Variants in RUNX3 observed in about 807,000 individuals in gnomAD.
RUNX3 encodes RUNX family transcription factor 3, also known as runt-related transcription factor 3.
Under a neutral mutation model 27.7 loss-of-function variants are expected in RUNX3, and 10 were observed. The observed-to-expected ratio is 0.36, with a 90% confidence interval of 0.22 to 0.61. The LOEUF is 0.61. Among genes scored for constraint, RUNX3 ranks in the 20% least tolerant of loss-of-function variants. The pLI, the probability that RUNX3 is intolerant of heterozygous loss-of-function variation, is 0.72. For missense variants in RUNX3, 469 were observed against 629.5 expected, an observed-to-expected ratio of 0.75 and a Z score of 2.73; for synonymous variants, 270 against 269.2, an observed-to-expected ratio of 1.00 and a Z score of -0.03.
upstream of RUNX3, among the ~76,000 whole-genome samples, chr1:24,932,794 T>C (rs887839650): frequency 6.6e-6 from 1 of 152,154 alleles, no homozygotes; most frequent in Admixed American, 6.5e-5. Context: ...CCTTCCCCAG[T>C]TGGCATGGAC....
chr1:24,952,230 C>A (rs1488534891), intron 2 of RUNX3, among the ~76,000 whole-genome samples: 1 of 152,180 alleles, frequency 6.6e-6, no homozygotes, highest in African/African-American at 2.4e-5. Flanking sequence ...TCCCCGCCCC[C>A]ACAGTGCTTA....
At chr1:24,910,996 G>A (rs185927000) in intron 3 of RUNX3, among the ~76,000 whole-genome samples, 2 of 152,352 alleles carry the variant, frequency 1.3e-5, no homozygotes, top group Admixed American at 6.5e-5. Context: ...CTGCTACCCT[G>A]AGGAGGGCAG....
At chr1:24,930,430 A>C (rs1233445081), upstream of RUNX3, among the ~76,000 whole-genome samples, 1 of 151,752 alleles carries the variant, frequency 6.6e-6, no homozygotes, top group Non-Finnish European at 1.5e-5. This position sits in a 1 kb window ranked among gnomAD's most constrained non-coding sequence, Gnocchi z 4.1. Context: ...AGGCCGCCCA[A>C]CGGGGAGGGG....
intron 2 of RUNX3, among the ~76,000 whole-genome samples, chr1:24,924,100 C>T (rs1325420099): frequency 6.6e-6 from 1 of 152,178 alleles, no homozygotes; most frequent in Non-Finnish European, 1.5e-5. Flanking sequence ...GTCGCAGTGG[C>T]TCATGCCTGT....
rs987062301 is a variant in RUNX3, at chr1:24,929,381, T to A, written c.282+206A>T. 3 of 705,082 alleles carry A rather than the reference T, an allele frequency of 4.3e-6. No individual in the cohort carries two copies. The African/African-American group carries it at 5.2e-5, about 12-fold the overall frequency. 43.7% of individuals were successfully genotyped at this position (705,082 alleles called of 1,614,324 possible). A position where few individuals can be genotyped will look rare whatever the true frequency, so the allele number is the denominator to read the frequency against. ...ACCCAGGTGGAGCGGGGCAACCCCG[T>A]TAAAAGTCATTCCTGCAGGGCGCAT... On this transcript the variant is annotated intron_variant, in intron 1 of 4. Coordinates refer to ENST00000308873, the MANE Select transcript of RUNX3 (RefSeq NM_004350.3).
chr1:24,937,409 C>T (rs368278676), intron 2 of RUNX3, among the ~76,000 whole-genome samples: 7 of 152,252 alleles, frequency 4.6e-5, no homozygotes, highest in South Asian at 2.1e-4. Flanking sequence ...CCAATTGTCA[C>T]GTCTCTCCTG....
intron 4 of RUNX3, 151 bp downstream of exon 4, chr1:24,907,108 C>T (rs1640678742): frequency 2.8e-6 from 2 of 723,864 alleles, no homozygotes; most frequent in Admixed American, 3.0e-5. Context: ...GAACCGTCTG[C>T]AGGTGCCAAT....
chr1:24,918,050 C>T (rs1010197443), intron 3 of RUNX3, among the ~76,000 whole-genome samples: 7 of 152,158 alleles, frequency 4.6e-5, no homozygotes, highest in Admixed American at 1.3e-4. Context: ...GGATGCGTGC[C>T]GGGGCTCAGG....
chr1:24,912,696 T>C (rs954433247), intron 3 of RUNX3, among the ~76,000 whole-genome samples: 2 of 151,494 alleles, frequency 1.3e-5, no homozygotes, highest in Admixed American at 6.6e-5. Flanking sequence ...CACCATCCTA[T>C]CATATGGGTG....
At chr1:24,964,785 T>A in intron 1 of RUNX3, 2 of 1,253,840 alleles carry the variant, frequency 1.6e-6, no homozygotes, top group Non-Finnish European at 2.1e-6. Context: ...AGAGTGTGTG[T>A]GAGTGAGAGA....
chr1:24,910,157 C>T (rs1331967856), intron 3 of RUNX3, among the ~76,000 whole-genome samples: 3 of 151,992 alleles, frequency 2.0e-5, no homozygotes, highest in Admixed American at 6.5e-5. Context: ...GGCGTGGTGG[C>T]GGGCGCCTAT....
In RUNX3 at chr1:24,954,714, G is replaced by A. The variant is rs919098589; in HGVS notation, c.58+9800C>T. On this transcript the variant is annotated intron_variant, in intron 2 of 6. Coordinates refer to the RUNX3 transcript ENST00000338888. Reference sequence around the variant, plus strand: ...TCCAACCACGGACGTGGCCATCCACGGAGCCCTCTACGTGCCTCAGAGCAA... The same window carrying A: ...TCCAACCACGGACGTGGCCATCCACAGAGCCCTCTACGTGCCTCAGAGCAA... Among the ~76,000 whole-genome samples the A allele has an allele frequency of 5.3e-5, 8 of 152,190 alleles. 1 individual carries two copies. In the South Asian group the frequency reaches 1.0e-3, roughly 20 times the overall value.
chr1:24,959,527 T>G (rs570733681), intron 2 of RUNX3, among the ~76,000 whole-genome samples: 4 of 152,264 alleles, frequency 2.6e-5, no homozygotes, highest in Non-Finnish European at 4.4e-5. Flanking sequence ...GGAGGCCCCA[T>G]GGACACATGT....
intron 1 of RUNX3, among the ~76,000 whole-genome samples, chr1:24,928,319 C>T (rs769238644): frequency 4.7e-4 from 71 of 152,158 alleles, no homozygotes; most frequent in Admixed American, 5.2e-4. Flanking sequence ...ACCAGAAAAC[C>T]CCTTTAAAGT....
At position 24,901,866 on chromosome 1, in the gene RUNX3, A is replaced by G; in HGVS notation, c.*256T>C. ...TGGCAGGAGGCTGATTCCCCACAGA[A>G]GTATGGGATGAGACGGCCAGGATCT... is the stretch of plus-strand genomic sequence containing the variant. On this transcript the variant is annotated 3_prime_UTR_variant, in exon 5 of 5. Transcript: ENST00000308873. 1 of 473,676 alleles carries G rather than the reference A, an allele frequency of 2.1e-6. No individual in the cohort carries two copies. Among genetic ancestry groups the G allele is most frequent in the African/African-American group, 2.0e-5 (1 of 50,748 alleles). 29.3% of individuals were successfully genotyped at this position (473,676 alleles called of 1,614,324 possible). A position where few individuals can be genotyped will look rare whatever the true frequency, so the allele number is the denominator to read the frequency against.
chr1:24,959,543 G>T (rs1206101618), intron 2 of RUNX3, among the ~76,000 whole-genome samples: 1 of 152,216 alleles, frequency 6.6e-6, no homozygotes, highest in East Asian at 1.9e-4. Context: ...CATGTGCTCA[G>T]GGTGACCAGC....
chr1:24,911,011 A>C (rs1207525050), intron 3 of RUNX3, among the ~76,000 whole-genome samples: 2 of 152,236 alleles, frequency 1.3e-5, no homozygotes, highest in African/African-American at 4.8e-5. Context: ...GGGCAGGCCC[A>C]GTACGGCCAG....
intron 3 of RUNX3, among the ~76,000 whole-genome samples, chr1:24,909,131 C>T (rs971631070): frequency 3.3e-5 from 5 of 152,204 alleles, no homozygotes; most frequent in African/African-American, 1.2e-4. Flanking sequence ...CAGGCTCCCA[C>T]CCTCCTGCGG....
chr1:24,931,542 C>T (rs558569970), upstream of RUNX3, among the ~76,000 whole-genome samples: 2 of 152,346 alleles, frequency 1.3e-5, no homozygotes, highest in Non-Finnish European at 2.9e-5. Context: ...CGTGCTGAGC[C>T]TCCCCGCCGC....
Sources: allele counts gnomAD v4.1 joint callset (sites outside exome capture counted in the v4.1 genomes callset), GRCh38; gene constraint gnomAD v4.1.1; non-coding constraint Gnocchi (gnomAD v3.1); transcripts MANE v1.5; gene names NCBI Gene and HGNC (gene_info 2026-07-23, HGNC 2026-07-21).